Variants in PLEKHH2 observed in about 807,000 individuals in gnomAD.
PLEKHH2 encodes pleckstrin homology, MyTH4 and FERM domain containing H2, also known as pleckstrin homology domain-containing family H member 2.
A neutral mutation model predicts 187.9 loss-of-function variants in PLEKHH2; 129 were observed. That is an observed-to-expected ratio of 0.69 (90% CI 0.59 to 0.79). PLEKHH2 has a LOEUF of 0.79. Ranked by LOEUF, PLEKHH2 falls within the 30% of genes least tolerant of loss-of-function variation. The pLI is 0.00. For missense variants in PLEKHH2, 2,076 were observed against 1,751.2 expected, an observed-to-expected ratio of 1.19 and a Z score of -3.31; for synonymous variants, 686 against 605.6, an observed-to-expected ratio of 1.13 and a Z score of -1.95.
intron 29 of PLEKHH2, among the ~76,000 whole-genome samples, chr2:43,764,728 T>G (rs1438950303): frequency 1.3e-5 from 2 of 152,236 alleles, no homozygotes; most frequent in African/African-American, 4.8e-5. Context: ...ACACATTATC[T>G]TATTCACTTG....
At chr2:43,714,804 T>G (rs1670135422) in intron 15 of PLEKHH2, among the ~76,000 whole-genome samples, 1 of 152,116 alleles carries the variant, frequency 6.6e-6, no homozygotes, top group African/African-American at 2.4e-5. Flanking sequence ...CATAATCTAT[T>G]AAAAAAGAGG....
At chr2:43,716,031 G>A (rs371326012) in intron 15 of PLEKHH2, among the ~76,000 whole-genome samples, 2 of 152,146 alleles carry the variant, frequency 1.3e-5, no homozygotes, top group South Asian at 2.1e-4. Context: ...AAGAAGGTAC[G>A]TTGCCTTCAG....
At chr2:43,715,579 G>C (rs933152494) in intron 15 of PLEKHH2, among the ~76,000 whole-genome samples, 2 of 152,146 alleles carry the variant, frequency 1.3e-5, no homozygotes, top group Non-Finnish European at 2.9e-5. Flanking sequence ...ACTCTGAAGG[G>C]GTTACAGGAA....
intron 8 of PLEKHH2, among the ~76,000 whole-genome samples, chr2:43,700,983 G>A (rs575479037): frequency 6.6e-6 from 1 of 152,086 alleles, no homozygotes. Flanking sequence ...TTGTTCTGAC[G>A]TTTTCCAGTT....
At chr2:43,718,288 C>G (rs981960540) in intron 15 of PLEKHH2, among the ~76,000 whole-genome samples, 3 of 151,960 alleles carry the variant, frequency 2.0e-5, no homozygotes, top group Non-Finnish European at 4.4e-5. Context: ...AGTGGTAATC[C>G]CAGCACTTTG....
In PLEKHH2 at chr2:43,709,980, G is replaced by A. The variant is rs376420936; in HGVS notation, c.1967-10G>A. The A allele has an allele frequency of 3.8e-6, 6 of 1,595,788 alleles. No individual in the cohort carries two copies. The highest frequency in any genetic ancestry group is 5.1e-6 in the Non-Finnish European group (6 of 1,173,620). On this transcript the variant is annotated splice_polypyrimidine_tract_variant and intron_variant, in intron 11 of 29. Coordinates refer to ENST00000282406, the MANE Select transcript of PLEKHH2 (RefSeq NM_172069.4). ...AAATACTGACTTGATTTCTTTCTTT[G>A]TTCTCTTAGGTGTGTCTCTCTCCTC... is the stretch of plus-strand genomic sequence containing the variant.
intron 18 of PLEKHH2, among the ~76,000 whole-genome samples, chr2:43,731,067 T>C (rs942136385): frequency 1.3e-5 from 2 of 152,116 alleles, no homozygotes; most frequent in Non-Finnish European, 2.9e-5. Flanking sequence ...CACTCATAAA[T>C]GGGAGCTAAA....
At position 43,752,650 on chromosome 2, in the gene PLEKHH2, T is replaced by A. The variant is rs530056343; in HGVS notation, c.3654-969T>A. ...TCTCTCTTTTCCAGCCACTGTGTTG[T>A]CATGGCAGTATTCAGGTGTGTCAAG... On this transcript the variant is annotated intron_variant, in intron 24 of 29. Transcript: ENST00000282406. Among the ~76,000 whole-genome samples the A allele has an allele frequency of 3.3e-5, 5 of 152,322 alleles. No individual in the cohort carries two copies. In the South Asian group the frequency reaches 1.0e-3, roughly 32 times the overall value.
At chr2:43,718,158 C>T (rs778197729) in intron 15 of PLEKHH2, among the ~76,000 whole-genome samples, 9 of 152,110 alleles carry the variant, frequency 5.9e-5, no homozygotes, top group African/African-American at 9.7e-5. Context: ...ATTAGATCAC[C>T]TTGAGATTTG....
intron 9 of PLEKHH2, among the ~76,000 whole-genome samples, chr2:43,705,515 C>T (rs1253179909): frequency 6.6e-6 from 1 of 152,114 alleles, no homozygotes; most frequent in Non-Finnish European, 1.5e-5. Context: ...GCCTCAGCTT[C>T]TCAAGGTGCT....
intron 11 of PLEKHH2, among the ~76,000 whole-genome samples, chr2:43,708,422 C>G (rs1317356545): frequency 1.3e-5 from 2 of 152,210 alleles, no homozygotes; most frequent in African/African-American, 4.8e-5. Context: ...CTGCTGTTTC[C>G]TCCAGCTGGT....
At chr2:43,642,181 T>C (rs940209988) in intron 1 of PLEKHH2, among the ~76,000 whole-genome samples, 1 of 152,214 alleles carries the variant, frequency 6.6e-6, no homozygotes, top group African/African-American at 2.4e-5. Context: ...AGTGCACACA[T>C]TTTGCACTTC....
intron 10 of PLEKHH2, among the ~76,000 whole-genome samples, chr2:43,706,833 T>C (rs1669681041): frequency 6.6e-6 from 1 of 152,246 alleles, no homozygotes; most frequent in East Asian, 1.9e-4. Flanking sequence ...CTTTTATAAT[T>C]GCTTATTAGA....
chr2:43,703,998 T>A lies in PLEKHH2; in HGVS notation c.1668T>A (p.Ala556=). 6.3e-7 allele frequency: 1 copy of A among 1,593,290 alleles called. No individual in the cohort carries two copies. The highest frequency in any genetic ancestry group is 8.6e-7 in the Non-Finnish European group (1 of 1,167,352). The change falls in exon 9 of 30, where the codon GCT becomes GCA. Residue 556 remains alanine (A), a synonymous_variant. Transcript: ENST00000282406. ...RFPSWESRIY[A]VAKSGIRMSE... ...TACCCTAGGAAAGCAGAATTTATGC[T>A]GTAGCCAAATCAGGTATTCGAATGT...
At chr2:43,689,379 C>CA (rs1470012377) in intron 3 of PLEKHH2, among the ~76,000 whole-genome samples, 11 of 152,312 alleles carry the variant, frequency 7.2e-5, no homozygotes, top group Admixed American at 6.5e-4. Context: ...CGTGTATACA[C>CA]ATTTGTGAGG....
intron 2 of PLEKHH2, among the ~76,000 whole-genome samples, chr2:43,645,461 G>A (rs1050917585): frequency 2.0e-5 from 3 of 152,064 alleles, no homozygotes; most frequent in Admixed American, 6.6e-5. Context: ...CCTATTTCCA[G>A]GGAACTTGAA....
At chr2:43,749,095 A>G (rs1044228015) in intron 24 of PLEKHH2, among the ~76,000 whole-genome samples, 1 of 152,214 alleles carries the variant, frequency 6.6e-6, no homozygotes, top group African/African-American at 2.4e-5. Context: ...TGAATGCTTA[A>G]TACATACCAA....
intron 2 of PLEKHH2, among the ~76,000 whole-genome samples, chr2:43,671,987 T>C (rs1311833577): frequency 2.6e-5 from 4 of 152,180 alleles, no homozygotes; most frequent in Non-Finnish European, 5.9e-5. Flanking sequence ...TTTTGTTGAG[T>C]TTCTATTCAT....
chr2:43,726,589 C>A (rs1047565808), intron 17 of PLEKHH2, 138 bp downstream of exon 17: 11 of 725,674 alleles, frequency 1.5e-5, no homozygotes, highest in Admixed American at 3.2e-5. Context: ...TTCAGAGATT[C>A]TTTACCTCCC....
Sources: gnomAD v4.1 joint callset for allele counts (sites outside exome capture counted in the v4.1 genomes callset) on GRCh38, gnomAD v4.1.1 for gene constraint, MANE v1.5 for transcripts, NCBI Gene and HGNC (gene_info 2026-07-23, HGNC 2026-07-21) for gene names.